Variants in PHEX observed in about 807,000 individuals in gnomAD.
PHEX encodes the protein phosphate-regulating neutral endopeptidase PHEX.
PHEX carries 16 observed loss-of-function variants against 68.0 expected under a neutral mutation model. The ratio of observed to expected loss-of-function variants is 0.24; its 90% CI spans 0.16 to 0.36. The LOEUF is 0.36. PHEX is among the 10% of genes least tolerant of loss of function. PHEX has a pLI of 1.00. For missense variants in PHEX, 480 were observed against 575.5 expected (o/e 0.83, Z 1.70); for synonymous variants, 208 against 205.1 (o/e 1.01, Z -0.12).
chrX:22,115,430 G>C (rs914680009), intron 11 of PHEX, among the ~76,000 whole-genome samples: 1 of 112,285 alleles, frequency 8.9e-6, no homozygotes, highest in Non-Finnish European at 1.9e-5. Flanking sequence ...ATTTACCATT[G>C]TGTGTGTGGT....
At chrX:22,160,430 T>C (rs760604792) in intron 12 of PHEX, among the ~76,000 whole-genome samples, 1 of 109,312 alleles carries the variant, frequency 9.1e-6, no homozygotes, top group East Asian at 2.9e-4. Context: ...GCACCTGACA[T>C]CCCAGCTACT....
intron 9 of PHEX, 148 bp from the exon 10 acceptor site, chrX:22,111,319 A>T (rs1448453992): frequency 1.8e-6 from 1 of 546,307 alleles, no homozygotes; most frequent in African/African-American, 2.3e-5. Context: ...GTATCATCTT[A>T]TGTCATTTCT....
chrX:22,050,607 A>G (rs1275039050), intron 3 of PHEX, among the ~76,000 whole-genome samples: 1 of 108,832 alleles, frequency 9.2e-6, no homozygotes, highest in African/African-American at 3.3e-5. Context: ...AACGGTGTTG[A>G]AATAATAGCA....
At chrX:22,134,560 T>G (rs1602325479) in intron 12 of PHEX, among the ~76,000 whole-genome samples, 1 of 112,551 alleles carries the variant, frequency 8.9e-6, no homozygotes, top group East Asian at 2.8e-4. Context: ...GCCACTGCAC[T>G]CCAGCCTGGG....
At chrX:22,162,662 C>G (rs976160688) in intron 12 of PHEX, 1 of 112,174 alleles carries the variant, frequency 8.9e-6, no homozygotes, top group Non-Finnish European at 1.9e-5. Flanking sequence ...TAATTTTTTT[C>G]TCAACATCTG....
intron 5 of PHEX, among the ~76,000 whole-genome samples, chrX:22,088,898 A>G (rs980634554): frequency 6.2e-5 from 7 of 112,347 alleles, no homozygotes; most frequent in African/African-American, 2.3e-4. Context: ...ATTTTTCCCA[A>G]TATTTTTTCC....
intron 3 of PHEX, among the ~76,000 whole-genome samples, chrX:22,055,040 T>C (rs1928014282): frequency 9.3e-6 from 1 of 107,407 alleles, no homozygotes; most frequent in Non-Finnish European, 1.9e-5. Flanking sequence ...CTGTGCATGG[T>C]GGCGGGCGCC....
intron 14 of PHEX, among the ~76,000 whole-genome samples, chrX:22,179,680 C>A (rs188765216): frequency 9.0e-6 from 1 of 111,685 alleles, no homozygotes; most frequent in Admixed American, 9.5e-5. Flanking sequence ...CTGACAACTT[C>A]GGAATTTCCG....
intron 1 of PHEX, among the ~76,000 whole-genome samples, chrX:22,034,479 T>C (rs2146975424): frequency 8.9e-6 from 1 of 112,727 alleles, no homozygotes; most frequent in South Asian, 3.6e-4. Flanking sequence ...ATCTTTGTTC[T>C]TTCAGAGAAA....
chrX:22,237,438 C>T (rs773201126), intron 20 of PHEX, among the ~76,000 whole-genome samples: 1 of 111,535 alleles, frequency 9.0e-6, no homozygotes, highest in African/African-American at 3.3e-5. Context: ...TCATTTTTCT[C>T]AGATATTCTT....
intron 6 of PHEX, among the ~76,000 whole-genome samples, chrX:22,093,065 T>G (rs1300687499): frequency 2.7e-5 from 3 of 112,078 alleles, no homozygotes; most frequent in Non-Finnish European, 5.6e-5. Flanking sequence ...AAGACTCTTT[T>G]CAAAGCTTGC....
chrX:22,058,822 G>A (rs1011255251), intron 3 of PHEX, among the ~76,000 whole-genome samples: 1 of 111,651 alleles, frequency 9.0e-6, no homozygotes, highest in East Asian at 2.8e-4. Context: ...TTCTTTTTTC[G>A]GACATGGAGT....
chrX:22,225,897 G>T (rs1371110834), intron 18 of PHEX, among the ~76,000 whole-genome samples: 1 of 111,846 alleles, frequency 8.9e-6, no homozygotes, highest in African/African-American at 3.2e-5. Flanking sequence ...ACATATCGCA[G>T]ACCTCGACCT....
chrX:22,209,327 A>C (rs974714066), intron 15 of PHEX, among the ~76,000 whole-genome samples: 10 of 111,075 alleles, frequency 9.0e-5, no homozygotes, highest in Non-Finnish European at 1.7e-4. Flanking sequence ...ATTTTCCCCC[A>C]GTGTATCAAT....
At chrX:22,121,012 C>T (rs188535664) in intron 11 of PHEX, among the ~76,000 whole-genome samples, 63 of 112,080 alleles carry the variant, frequency 5.6e-4, no homozygotes, top group African/African-American at 1.8e-3. Flanking sequence ...ATTGTAGACA[C>T]TATGTCCCCA....
chrX:22,041,505 T>C (rs1255698716), intron 2 of PHEX, among the ~76,000 whole-genome samples: 2 of 108,437 alleles, frequency 1.8e-5, no homozygotes, highest in South Asian at 4.0e-4. Context: ...TTTCCGTCTT[T>C]TCCTTGGTGA....
In PHEX at chrX:22,045,740, G is replaced by T. The variant is rs181237566; in HGVS notation, c.188-1310G>T. 2.3e-3 allele frequency among the ~76,000 whole-genome samples: 255 copies of T among 111,593 alleles called. 3 individuals are homozygous for T. The highest frequency in any genetic ancestry group is 8.1e-3 in the African/African-American group (248 of 30,732). ...CTCCTCTGGCCATGCCTCTCCTTCA[G>T]CCAAGGCGTCTGTGGAGCCAAGTAG... is the stretch of plus-strand genomic sequence containing the variant. On this transcript the variant is annotated intron_variant, in intron 2 of 21. Transcript: ENST00000379374.
In PHEX at chrX:22,221,651, T is replaced by G; in HGVS notation, c.1807T>G (p.Trp603Gly). 1 of 1,198,575 alleles carries G rather than the reference T, an allele frequency of 8.3e-7. No homozygotes were observed. The highest frequency in any genetic ancestry group is 1.8e-5 in the South Asian group (1 of 56,686). The part of the protein sequence containing the change: ...YDKNGNLDPW[W>G]STESEEKFKE... The stretch of plus-strand genomic sequence containing the variant: ...TAAAAATGGAAACCTGGATCCTTGG[T>G]GGTCTACTGAATCAGAAGAAAAGTT... The change falls in exon 18 of 22, where the codon TGG becomes GGG. Residue 603 changes from tryptophan to glycine, a missense_variant. Transcript: ENST00000379374.
At chrX:22,143,038 C>T (rs934746705) in intron 12 of PHEX, among the ~76,000 whole-genome samples, 2 of 112,361 alleles carry the variant, frequency 1.8e-5, no homozygotes, top group Non-Finnish European at 3.8e-5. Context: ...AAGCACAAAT[C>T]GTGTTGCTTC....
Sources: gnomAD v4.1 joint callset for allele counts (sites outside exome capture counted in the v4.1 genomes callset) on GRCh38, gnomAD v4.1.1 for gene constraint, MANE v1.5 for transcripts, NCBI Gene and HGNC (gene_info 2026-07-23, HGNC 2026-07-21) for gene names.